The following SMCO3 variants were observed in gnomAD, a reference collection of about 807,000 sequenced individuals.
SMCO3 encodes the protein single-pass membrane protein with coiled-coil domains 3.
SMCO3 carries 6 observed loss-of-function variants against 12.0 expected under a neutral mutation model. The observed-to-expected ratio is 0.50, with a 90% CI of 0.27 to 0.99. The LOEUF (loss-of-function observed/expected upper bound fraction) is 0.99. Among genes scored for constraint, SMCO3 ranks in the 50% least tolerant of loss-of-function variants. SMCO3 has a pLI of 0.11. For missense variants in SMCO3, 279 were observed against 265.0 expected (o/e 1.05, Z -0.37); for synonymous variants, 96 against 96.4 (o/e 1.00, Z 0.02).
At chr12:14,813,243 T>C (rs966237820) in intron 1 of SMCO3, among the ~76,000 whole-genome samples, 2 of 152,238 alleles carry the variant, frequency 1.3e-5, no homozygotes, top group African/African-American at 4.8e-5. Context: ...TAGTGCTCTC[T>C]GAGGTTTTAC....
rs750630915 is a variant in SMCO3, at chr12:14,806,639, C to A, written c.42G>T (p.Arg14Ser). ...GGTGAAGACGATTTACTTCTTCCCG[C>A]CTTTTTGGGTTCTCTGGGTAAAGGA... ...SDFLYPENPK[R>S]REEVNRLHQQ... Residue 14 changes from arginine (R) to serine (S), a missense_variant, in exon 2 of 2, where the codon AGG becomes AGT. Arg to Ser is a moderately radical substitution (Grantham distance 110). Transcript: ENST00000316048. The A allele has an allele frequency of 1.2e-6, 2 of 1,610,524 alleles. No homozygotes were observed. Among genetic ancestry groups the A allele is most frequent in the South Asian group, 1.1e-5 (1 of 90,178 alleles).
Position 14,806,581 on chromosome 12 carries a change from C to T in SMCO3, c.100G>A (p.Asp34Asn), listed in dbSNP as rs769794820. ...ACCTCAGTCAGCTTATTGGTGACAT[C>T]GAAGCTGTCAGATAAGCAATCAAGA... ...QLLDCLSDSF[D>N]VTNKLTEVLN... Residue 34 changes from aspartate to asparagine, a missense_variant, in exon 2 of 2, where the codon GAT becomes AAT. By Grantham distance (23) the Asp-to-Asn change is conservative. Transcript: ENST00000316048. 1.1e-5 allele frequency: 17 copies of T among 1,613,970 alleles called. No homozygotes were observed. Among genetic ancestry groups the T allele is most frequent in the East Asian group, 8.9e-5 (4 of 44,874 alleles).
intron 1 of SMCO3, among the ~76,000 whole-genome samples, chr12:14,811,602 A>G (rs764998518): frequency 6.6e-6 from 1 of 152,222 alleles, no homozygotes; most frequent in African/African-American, 2.4e-5. Flanking sequence ...TGAATTGAGA[A>G]GTCAACATTT....
At chr12:14,810,842 C>T (rs1950125093) in intron 1 of SMCO3, among the ~76,000 whole-genome samples, 2 of 152,128 alleles carry the variant, frequency 1.3e-5, no homozygotes, top group Non-Finnish European at 2.9e-5. Flanking sequence ...TTCTGACTCC[C>T]AAAGTGATTA....
chr12:14,810,443 C>T (rs1004166247), intron 1 of SMCO3, among the ~76,000 whole-genome samples: 3 of 152,118 alleles, frequency 2.0e-5, no homozygotes, highest in Non-Finnish European at 4.4e-5. Context: ...GTACTTACCA[C>T]GTGTAAGGTC....
At chr12:14,812,786 A>G (rs1304344164) in intron 1 of SMCO3, among the ~76,000 whole-genome samples, 1 of 152,068 alleles carries the variant, frequency 6.6e-6, no homozygotes, top group Non-Finnish European at 1.5e-5. Flanking sequence ...TTCAGGAGGT[A>G]CATACACAGG....
Position 14,806,073 on chromosome 12 carries a change from T to G in SMCO3, c.608A>C (p.Lys203Thr), listed in dbSNP as rs927264482. The change falls in exon 2 of 2, where the codon AAA becomes ACA. Residue 203 changes from lysine to threonine, a missense_variant. Coordinates refer to ENST00000316048, the MANE Select transcript of SMCO3 (RefSeq NM_001013698.2). ...ATGATTATATTTTTCTGAGGCTGAT[T>G]TGAACTCCACCAGATGCTTCTCATA... ...KSYEKHLVEF[K>T]SASEKYNHAI... is the part of the protein sequence containing the mutation. 9 of 1,614,088 alleles carry G rather than the reference T, an allele frequency of 5.6e-6. No individual in the cohort carries two copies. Among genetic ancestry groups the G allele is most frequent in the Non-Finnish European group, 7.6e-6 (9 of 1,180,046 alleles).
intron 1 of SMCO3, among the ~76,000 whole-genome samples, chr12:14,809,689 G>A (rs1950106868): frequency 2.0e-5 from 3 of 152,070 alleles, no homozygotes; most frequent in Non-Finnish European, 4.4e-5. Flanking sequence ...TCGGTATGGA[G>A]TGGGACTTTA....
In SMCO3 at chr12:14,805,656, T is replaced by C. The variant is rs1290246062; in HGVS notation, c.*347A>G. Reference sequence around the variant, plus strand: ...TAGAAATGAAAGTCTCTGCATTCAATGTGAAATTTAAGAATTTTACTGAAA... The same window carrying C: ...TAGAAATGAAAGTCTCTGCATTCAACGTGAAATTTAAGAATTTTACTGAAA... On this transcript the variant is annotated 3_prime_UTR_variant, in exon 2 of 2. Coordinates refer to ENST00000316048, the MANE Select transcript of SMCO3 (RefSeq NM_001013698.2). The C allele has an allele frequency of 5.4e-6, 1 of 185,554 alleles. No homozygotes were observed. The highest frequency in any genetic ancestry group is 1.1e-5 in the Non-Finnish European group (1 of 90,520). The allele number at this position is 185,554 out of a possible 1,614,324, so 11.5% of individuals were successfully genotyped here.
rs189584185 is a variant in SMCO3, at chr12:14,809,591, T to C, written c.-16-2895A>G. On this transcript the variant is annotated intron_variant, in intron 1 of 1. Transcript: ENST00000316048. ...TGGTCTTGAGTCATGGGCTAGACTT[T>C]GGAGTTAAAAATTAATAACAAAATT... Among the ~76,000 whole-genome samples, 654 of 152,278 alleles carry C rather than the reference T, an allele frequency of 4.3e-3. 3 individuals are homozygous for C. The highest frequency in any genetic ancestry group is 0.015 in the African/African-American group (637 of 41,558).
rs551669842 is a variant in SMCO3 at position 14,812,368 on chromosome 12, T to C, written c.-17+1758A>G. ...CTGAGGCAGGAGAATGGCATGAGCCTGGGAGGCAGAGCTTGCAGTGAGCCG... is the reference window on the plus strand; with the variant it reads ...CTGAGGCAGGAGAATGGCATGAGCCCGGGAGGCAGAGCTTGCAGTGAGCCG... On this transcript the variant is annotated intron_variant, in intron 1 of 1. Transcript: ENST00000316048. Among the ~76,000 whole-genome samples the C allele has an allele frequency of 2.6e-4, 39 of 151,934 alleles. No individual in the cohort carries two copies. In the South Asian group the frequency reaches 7.9e-3, roughly 31 times the overall value.
Position 14,806,272 on chromosome 12 carries a change from C to G in SMCO3, c.409G>C (p.Gly137Arg), listed in dbSNP as rs1950047789. 2 of 1,614,096 alleles carry G rather than the reference C, an allele frequency of 1.2e-6. No homozygotes were observed. Among genetic ancestry groups the G allele is most frequent in the Admixed American group, 1.7e-5 (1 of 60,006 alleles). ...ATTATGCCAGTTGTGACATTTGAGC[C>G]CACAAGTTTAACAGCGACTGCACTG... ...AASAVAVKLVGSNVTTGIINK... is the reference protein window; with the variant it reads ...AASAVAVKLVRSNVTTGIINK... Residue 137 changes from glycine (G) to arginine (R), a missense_variant, in exon 2 of 2, where the codon GGC becomes CGC. Physicochemically the swap from Gly to Arg is moderately radical, Grantham distance 125. Coordinates refer to ENST00000316048, the MANE Select transcript of SMCO3 (RefSeq NM_001013698.2).
intron 1 of SMCO3, among the ~76,000 whole-genome samples, chr12:14,808,816 GAC>G (rs1950094200): frequency 6.6e-6 from 1 of 152,094 alleles, no homozygotes; most frequent in African/African-American, 2.4e-5. Flanking sequence ...ACATGTAACA[GAC>G]ACACATTTCC....
chr12:14,806,285 A>G lies in SMCO3; in HGVS notation c.396T>C (p.Ala132=). 1 of 1,614,248 alleles carries G rather than the reference A, an allele frequency of 6.2e-7. No individual in the cohort carries two copies. The highest frequency in any genetic ancestry group is 2.2e-5 in the East Asian group (1 of 44,886). ...TGACATTTGAGCCCACAAGTTTAACAGCGACTGCACTGGCTGCAGATGTAG... is the reference window on the plus strand; with the variant it reads ...TGACATTTGAGCCCACAAGTTTAACGGCGACTGCACTGGCTGCAGATGTAG... ...GEATSAASAV[A]VKLVGSNVTT... is the part of the protein sequence containing the mutation. The change falls in exon 2 of 2, where the codon GCT becomes GCC. Residue 132 remains alanine, a synonymous_variant. Transcript: ENST00000316048.
chr12:14,811,832 A>G (rs1246255427), intron 1 of SMCO3, among the ~76,000 whole-genome samples: 1 of 152,240 alleles, frequency 6.6e-6, no homozygotes, highest in Non-Finnish European at 1.5e-5. Context: ...TTGAACTTAG[A>G]AATTAATATC....
At chr12:14,812,853 C>T (rs1565418650) in intron 1 of SMCO3, among the ~76,000 whole-genome samples, 1 of 151,978 alleles carries the variant, frequency 6.6e-6, no homozygotes, top group Non-Finnish European at 1.5e-5. Flanking sequence ...ATCCTGTCAC[C>T]CAGATACTGA....
chr12:14,806,312 T>G lies in SMCO3; in HGVS notation c.369A>C (p.Glu123Asp). Residue 123 changes from glutamate (E) to aspartate (D), a missense_variant, in exon 2 of 2, where the codon GAA becomes GAC. Glu to Asp is a conservative substitution (Grantham distance 45). Coordinates refer to ENST00000316048, the MANE Select transcript of SMCO3 (RefSeq NM_001013698.2). ...VQKVISVILG[E>D]ATSAASAVAV... is the part of the protein sequence containing the mutation. Reference sequence around the variant, plus strand: ...CGACTGCACTGGCTGCAGATGTAGCTTCTCCCAGGATGACCGAAATAACCT... The same window carrying G: ...CGACTGCACTGGCTGCAGATGTAGCGTCTCCCAGGATGACCGAAATAACCT... 6.2e-7 allele frequency: 1 copy of G among 1,614,254 alleles called. No individual in the cohort carries two copies. Among genetic ancestry groups the G allele is most frequent in the South Asian group, 1.1e-5 (1 of 91,090 alleles).
At chr12:14,813,234 A>G (rs2137269798) in intron 1 of SMCO3, among the ~76,000 whole-genome samples, 3 of 152,324 alleles carry the variant, frequency 2.0e-5, no homozygotes, top group African/African-American at 7.2e-5. Context: ...TTTAGTCGTT[A>G]GTGCTCTCTG....
At chr12:14,810,030 G>C (rs1470530439) in intron 1 of SMCO3, among the ~76,000 whole-genome samples, 2 of 152,158 alleles carry the variant, frequency 1.3e-5, no homozygotes, top group African/African-American at 4.8e-5. Flanking sequence ...GTGGGATCTA[G>C]ACATCAGTTC....
Sources: allele counts gnomAD v4.1 joint callset (sites outside exome capture counted in the v4.1 genomes callset), GRCh38; gene constraint gnomAD v4.1.1; transcripts MANE v1.5; gene names NCBI Gene and HGNC (gene_info 2026-07-23, HGNC 2026-07-21).